RMC1: variants seen among roughly 807,000 people sequenced by gnomAD.
RMC1 encodes the protein regulator of MON1-CCZ1.
RMC1 carries 44 observed loss-of-function variants against 95.5 expected under a neutral mutation model. The observed-to-expected ratio is 0.46, with a 90% CI of 0.36 to 0.59. The LOEUF (loss-of-function observed/expected upper bound fraction) is 0.59. RMC1 is among the 20% of genes least tolerant of loss of function. The pLI is 0.00. For synonymous variants in RMC1, 320 were observed against 303.6 expected (o/e 1.05, Z -0.56); for missense variants, 705 against 819.6 (o/e 0.86, Z 1.71).
chr18:23,506,344 C>G (rs2057716336), intron 2 of RMC1: 1 of 151,994 alleles, frequency 6.6e-6, no homozygotes, highest in Non-Finnish European at 1.5e-5. Context: ...TCCTTGGGCC[C>G]TTCTGTAATC....
At chr18:23,531,512 G>A in intron 19 of RMC1, 113 bp from the exon 20 acceptor site, 1 of 1,501,914 alleles carries the variant, frequency 6.7e-7, no homozygotes, top group Non-Finnish European at 8.8e-7. Context: ...GGAAAACAAT[G>A]TATTTTATTA....
chr18:23,520,224 A>G lies in RMC1; in HGVS notation c.872A>G (p.Lys291Arg), dbSNP rs745884709. ...DTETSVIFDI[K>R]LRGEFDGSVT... is the part of the protein sequence containing the mutation. ...CAGACATCGGTAATATTCGATATCA[A>G]GTTACGGGGAGAGTTTGACGGCTCC... Residue 291 changes from lysine (K) to arginine (R), a missense_variant, in exon 10 of 20, where the codon AAG becomes AGG. By Grantham distance (26) the Lys-to-Arg change is conservative (BLOSUM62 2). Transcript: ENST00000269221. The G allele has an allele frequency of 2.9e-5, 46 of 1,613,914 alleles. No homozygotes were observed. Among genetic ancestry groups the G allele is most frequent in the Non-Finnish European group, 3.9e-5 (46 of 1,179,984 alleles).
At chr18:23,516,882 C>T (rs1310505070) in intron 7 of RMC1, among the ~76,000 whole-genome samples, 1 of 151,782 alleles carries the variant, frequency 6.6e-6, no homozygotes, top group Non-Finnish European at 1.5e-5. Flanking sequence ...TGCGTCACCT[C>T]GCCCGGCTAG....
At chr18:23,530,199 A>C (rs1468028356) in intron 17 of RMC1, 30 bp from the exon 18 acceptor site, 1 of 1,614,058 alleles carries the variant, frequency 6.2e-7, no homozygotes, top group Admixed American at 1.7e-5. Context: ...TTATCTTTCC[A>C]ACTGAAGTGG....
chr18:23,528,634 G>C (rs2058379987), intron 14 of RMC1: 1 of 153,350 alleles, frequency 6.5e-6, no homozygotes, highest in Non-Finnish European at 1.4e-5. Context: ...TACGCTGCCA[G>C]ACGTGAGGGA....
chr18:23,525,385 C>G (rs1268641582), intron 12 of RMC1, among the ~76,000 whole-genome samples: 1 of 151,572 alleles, frequency 6.6e-6, no homozygotes, highest in Non-Finnish European at 1.5e-5. Context: ...GTAGCTGGGC[C>G]TACAGGCGCA....
chr18:23,528,333 G>A (rs549644503), intron 14 of RMC1: 79 of 160,626 alleles, frequency 4.9e-4, no homozygotes, highest in Non-Finnish European at 9.3e-4. Context: ...AGATAGTGAC[G>A]ATTCAGTGTT....
chr18:23,516,532 A>G, intron 7 of RMC1, 109 bp downstream of exon 7: 14 of 1,083,986 alleles, frequency 1.3e-5, no homozygotes, highest in Non-Finnish European at 1.8e-5. Flanking sequence ...TAGAACACAT[A>G]AGGAGGACTC....
chr18:23,519,906 G>C (rs558886327), intron 9 of RMC1, among the ~76,000 whole-genome samples: 2 of 152,316 alleles, frequency 1.3e-5, no homozygotes, highest in South Asian at 4.1e-4. Context: ...CGCTAACTCT[G>C]TGACACGTGA....
rs754505702 is a variant in RMC1 at position 23,530,061 on chromosome 18, G to A, written c.1528G>A (p.Val510Ile). ...YLHELVIKTLVQHNLFYMLHQ... is the reference protein window; with the variant it reads ...YLHELVIKTLIQHNLFYMLHQ... ...ACATGAACTTGTTATCAAAACCCTT[G>A]TCCAGCACAACCTCTTTTATATGCT... The change falls in exon 17 of 20, where the codon GTC (valine) becomes ATC (isoleucine). Residue 510 changes from valine (V) to isoleucine (I), a missense_variant. By Grantham distance (29) the Val-to-Ile change is conservative (BLOSUM62 3). Coordinates refer to ENST00000269221, the MANE Select transcript of RMC1 (RefSeq NM_013326.5). The A allele has an allele frequency of 3.1e-6, 5 of 1,614,132 alleles. No homozygotes were observed. The highest frequency in any genetic ancestry group is 4.2e-6 in the Non-Finnish European group (5 of 1,180,010).
rs1239920271 is a variant in RMC1 at position 23,503,569 on chromosome 18, C to T, written c.-50C>T. The T allele has an allele frequency of 1.4e-6, 2 of 1,419,114 alleles. No homozygotes were observed. Among genetic ancestry groups the T allele is most frequent in the Middle Eastern group, 2.3e-4 (1 of 4,274 alleles). The allele number at this position is 1,419,114 out of a possible 1,614,324, so 87.9% of individuals were successfully genotyped here. On this transcript the variant is annotated 5_prime_UTR_variant, in exon 1 of 20. Coordinates refer to ENST00000269221, the MANE Select transcript of RMC1 (RefSeq NM_013326.5). ...GCCGGGCTCCACCGCGCATCCTGCTCCACTCTGGCGACCGCCCCCGGGGCC... is the reference window on the plus strand; with the variant it reads ...GCCGGGCTCCACCGCGCATCCTGCTTCACTCTGGCGACCGCCCCCGGGGCC...
chr18:23,527,467 A>G (rs2058337614), intron 13 of RMC1, among the ~76,000 whole-genome samples: 1 of 150,412 alleles, frequency 6.6e-6, no homozygotes, highest in African/African-American at 2.4e-5. Flanking sequence ...TTTGGTATAG[A>G]TGGGGTCTTG....
Position 23,524,463 on chromosome 18 carries a change from CATT to C in RMC1, c.1044_1046del (p.Ile349del). Reference sequence around the variant, plus strand: ...CTTGGATTGTCTTTCAACCTGACATCATTATCAGCGCAAGCCAAGGTAGGTCAG... The same window carrying C: ...CTTGGATTGTCTTTCAACCTGACATCATCAGCGCAAGCCAAGGTAGGTCAG... On this transcript the variant is annotated inframe_deletion, in exon 12 of 20. Transcript: ENST00000269221. 5 of 1,614,078 alleles carry C rather than the reference CATT, an allele frequency of 3.1e-6. No individual in the cohort carries two copies. The highest frequency in any genetic ancestry group is 1.1e-5 in the South Asian group (1 of 91,074).
In RMC1 at chr18:23,503,516, C is replaced by CGCAGAA; in HGVS notation, c.-99_-98insAAGCAG. On this transcript the variant is annotated 5_prime_UTR_variant, in exon 1 of 20. Coordinates refer to ENST00000269221, the MANE Select transcript of RMC1 (RefSeq NM_013326.5). ...GCGGCGTCCGCGCCGGGCCCAGAGC[C>CGCAGAA]GCAGCCGCAGCCGCCGCTACAGTCC... 1 of 716,886 alleles carries CGCAGAA rather than the reference C, an allele frequency of 1.4e-6. No homozygotes were observed. The highest frequency in any genetic ancestry group is 2.0e-6 in the Non-Finnish European group (1 of 509,688). 44.4% of individuals were successfully genotyped at this position (716,886 alleles called of 1,614,324 possible). A position where few individuals can be genotyped will look rare whatever the true frequency, so the allele number is the denominator to read the frequency against.
intron 13 of RMC1, among the ~76,000 whole-genome samples, chr18:23,527,551 G>A (rs1464177552): frequency 3.4e-5 from 5 of 147,260 alleles, no homozygotes; most frequent in Non-Finnish European, 7.4e-5. Flanking sequence ...AAAGTGCTGG[G>A]ATTATAGGCA....
chr18:23,530,320 T>C (rs775262488), intron 18 of RMC1, 23 bp downstream of exon 18: 86 of 1,614,112 alleles, frequency 5.3e-5, no homozygotes, highest in Non-Finnish European at 5.1e-5. Context: ...TGTGAGGTTT[T>C]AGACTATGGA....
At chr18:23,521,894 C>G (rs1416876678) in intron 10 of RMC1, among the ~76,000 whole-genome samples, 8 of 152,182 alleles carry the variant, frequency 5.3e-5, no homozygotes, top group Admixed American at 5.2e-4. Flanking sequence ...TCCCGGCTCT[C>G]TTTTGAAGGA....
intron 9 of RMC1, among the ~76,000 whole-genome samples, chr18:23,519,666 C>A (rs1351515380): frequency 1.3e-5 from 2 of 152,150 alleles, no homozygotes; most frequent in Admixed American, 1.3e-4. Context: ...AAAGATAATT[C>A]AAAACTATTT....
At chr18:23,516,085 A>G (rs2057996116) in intron 6 of RMC1, 89 bp downstream of exon 6, 1 of 1,572,718 alleles carries the variant, frequency 6.4e-7, no homozygotes. Context: ...CGTTAGGGAC[A>G]GGTTCCTCTA....
Sources: gnomAD v4.1 joint callset for allele counts (sites outside exome capture counted in the v4.1 genomes callset) on GRCh38, gnomAD v4.1.1 for gene constraint, MANE v1.5 for transcripts, NCBI Gene and HGNC (gene_info 2026-07-23, HGNC 2026-07-21) for gene names.